Variants in SLC14A2 observed in about 807,000 individuals in gnomAD.
SLC14A2 encodes the protein solute carrier family 14 member 2.
In SLC14A2, 91 loss-of-function variants were observed where a neutral mutation model predicts 104.6. The observed-to-expected ratio is 0.87, with a 90% CI of 0.73 to 1.04. The LOEUF is 1.04. SLC14A2 is among the 50% of genes least tolerant of loss of function. The pLI is 0.00. For synonymous variants in SLC14A2, 476 were observed against 466.4 expected, an observed-to-expected ratio of 1.02 and a Z score of -0.27; for missense variants, 1,189 against 1,156.0, an observed-to-expected ratio of 1.03 and a Z score of -0.41.
At chr18:45,674,911 C>T (rs984523174) in intron 18 of SLC14A2, among the ~76,000 whole-genome samples, 3 of 152,156 alleles carry the variant, frequency 2.0e-5, no homozygotes, top group African/African-American at 7.2e-5. Context: ...ATTTTGCACC[C>T]CAGGTGCTTC....
chr18:45,495,511 C>G (rs757264820), intron 2 of SLC14A2, among the ~76,000 whole-genome samples: 1 of 152,136 alleles, frequency 6.6e-6, no homozygotes, highest in African/African-American at 2.4e-5. Flanking sequence ...GGGGTTGAAG[C>G]CTTGAGGACA....
intron 7 of SLC14A2, among the ~76,000 whole-genome samples, chr18:45,640,177 G>A (rs578032652): frequency 6.6e-6 from 1 of 152,092 alleles, no homozygotes; most frequent in East Asian, 1.9e-4. Flanking sequence ...TTGGGGAGCT[G>A]AGGCAGGAGA....
chr18:45,428,343 T>C (rs1218149813), intron 1 of SLC14A2, among the ~76,000 whole-genome samples: 1 of 152,178 alleles, frequency 6.6e-6, no homozygotes, highest in Non-Finnish European at 1.5e-5. Flanking sequence ...CTTCTTCAAA[T>C]TGTTGGATAG....
chr18:45,669,548 C>G (rs2046093992), intron 16 of SLC14A2, 50 bp downstream of exon 16: 1 of 1,461,968 alleles, frequency 6.8e-7, no homozygotes. Context: ...CTGGATGTTA[C>G]TGGCATTTGC....
chr18:45,295,708 A>G (rs1014387667), intron 1 of SLC14A2, among the ~76,000 whole-genome samples: 1 of 152,152 alleles, frequency 6.6e-6, no homozygotes, highest in South Asian at 2.1e-4. Context: ...TTTCACCTTG[A>G]TAACTGATTT....
intron 1 of SLC14A2, among the ~76,000 whole-genome samples, chr18:45,297,872 G>C (rs2144182909): frequency 6.6e-6 from 1 of 152,208 alleles, no homozygotes; most frequent in Middle Eastern, 3.4e-3. Context: ...TTGGCTGCTG[G>C]GTATGGGCAT....
At chr18:45,177,048 A>G in the SLC14A2 span, among the ~76,000 whole-genome samples, 1 of 152,184 alleles carries the variant, frequency 6.6e-6, no homozygotes, top group African/African-American at 2.4e-5. Flanking sequence ...TATCTCAATG[A>G]AAAACTCTAC....
At chr18:45,629,525 T>G (rs1469474116) in intron 4 of SLC14A2, among the ~76,000 whole-genome samples, 1 of 152,118 alleles carries the variant, frequency 6.6e-6, no homozygotes, top group Non-Finnish European at 1.5e-5. Context: ...TGGGGTGAAC[T>G]CTGTCCAGCC....
chr18:45,263,735 G>A (rs1001734403), intron 1 of SLC14A2, among the ~76,000 whole-genome samples: 1 of 152,158 alleles, frequency 6.6e-6, no homozygotes, highest in Non-Finnish European at 1.5e-5. Flanking sequence ...TCAGGTCATT[G>A]AGAGCTCCTT....
intron 1 of SLC14A2, among the ~76,000 whole-genome samples, chr18:45,442,447 T>C (rs1012748962): frequency 6.6e-6 from 1 of 152,308 alleles, no homozygotes; most frequent in Non-Finnish European, 1.5e-5. Context: ...TTGACTTTCG[T>C]TGGCATGTCA....
chr18:45,282,070 T>A (rs989674080), intron 1 of SLC14A2, among the ~76,000 whole-genome samples: 2 of 152,158 alleles, frequency 1.3e-5, no homozygotes, highest in Non-Finnish European at 1.5e-5. Flanking sequence ...CTCACTTCCC[T>A]GTGGCAGTGG....
At chr18:45,431,630 G>A (rs1313971081) in intron 1 of SLC14A2, among the ~76,000 whole-genome samples, 1 of 152,164 alleles carries the variant, frequency 6.6e-6, no homozygotes, top group Non-Finnish European at 1.5e-5. Flanking sequence ...CACCACCTCA[G>A]CCTGAAGGGA....
intron 1 of SLC14A2, among the ~76,000 whole-genome samples, chr18:45,415,247 T>A (rs967797420): frequency 6.6e-6 from 1 of 152,110 alleles, no homozygotes; most frequent in Non-Finnish European, 1.5e-5. Context: ...ATGCTTTGGA[T>A]CAGAATTGAG....
At chr18:45,594,936 C>T (rs994256397) in intron 2 of SLC14A2, among the ~76,000 whole-genome samples, 4 of 152,144 alleles carry the variant, frequency 2.6e-5, no homozygotes, top group Admixed American at 6.5e-5. Flanking sequence ...ACTTCCCCAC[C>T]GACCCCCAAC....
At chr18:45,548,241 T>C (rs1454804104) in intron 2 of SLC14A2, among the ~76,000 whole-genome samples, 1 of 152,156 alleles carries the variant, frequency 6.6e-6, no homozygotes, top group Non-Finnish European at 1.5e-5. Flanking sequence ...AGAATGGAGT[T>C]TGGAGTGAGG....
the SLC14A2 span, among the ~76,000 whole-genome samples, chr18:45,179,054 C>A: frequency 6.6e-6 from 1 of 152,038 alleles, no homozygotes; most frequent in Non-Finnish European, 1.5e-5. Context: ...GTCTTTAATC[C>A]CCAAGTCTGT....
intron 1 of SLC14A2, among the ~76,000 whole-genome samples, chr18:45,314,588 C>G (rs954952566): frequency 6.6e-6 from 1 of 152,206 alleles, no homozygotes; most frequent in Non-Finnish European, 1.5e-5. Flanking sequence ...GTCCTCTCCT[C>G]TCTCCACTGC....
intron 2 of SLC14A2, among the ~76,000 whole-genome samples, chr18:45,503,008 T>G (rs565386702): frequency 1.3e-5 from 2 of 152,138 alleles, no homozygotes; most frequent in African/African-American, 4.8e-5. Flanking sequence ...GAAGAAGGCA[T>G]CATTTTAAAG....
rs112158249 is a variant in SLC14A2, at chr18:45,298,813, G to A, written c.-125+85622G>A. 5.9e-5 allele frequency among the ~76,000 whole-genome samples: 9 copies of A among 152,246 alleles called. 1 individual carries two copies. The highest frequency in any genetic ancestry group is 1.7e-4 in the African/African-American group (7 of 41,554). ...ACCTAATTCAATGGGAGGAGTGGGG[G>A]ACCTTGTGCCCCCAAAGACCTGGTT... On this transcript the variant is annotated intron_variant, in intron 1 of 20. Transcript: ENST00000586448.
Sources: allele counts gnomAD v4.1 joint callset (sites outside exome capture counted in the v4.1 genomes callset), GRCh38; gene constraint gnomAD v4.1.1; transcripts MANE v1.5; gene names NCBI Gene and HGNC (gene_info 2026-07-23, HGNC 2026-07-21).